Variants in RPH3A observed in about 807,000 individuals in gnomAD.
The protein encoded by RPH3A is rabphilin 3A, also known as rabphilin-3A.
Under a neutral mutation model 102.2 loss-of-function variants are expected in RPH3A, and 48 were observed. The observed-to-expected ratio is 0.47, with a 90% CI of 0.37 to 0.60. The LOEUF (loss-of-function observed/expected upper bound fraction) is 0.60. Among genes scored for constraint, RPH3A ranks in the 20% least tolerant of loss-of-function variants. RPH3A has a pLI of 0.00. For missense variants in RPH3A, 781 were observed against 910.1 expected, an observed-to-expected ratio of 0.86 and a Z score of 1.83; for synonymous variants, 310 against 324.3, an observed-to-expected ratio of 0.96 and a Z score of 0.47.
chr12:112,657,045 T>C (rs1354181928), intron 1 of RPH3A, among the ~76,000 whole-genome samples: 3 of 152,170 alleles, frequency 2.0e-5, no homozygotes, highest in African/African-American at 7.2e-5. Context: ...ATAAAGGTTG[T>C]TCTAATTTAC....
intron 1 of RPH3A, among the ~76,000 whole-genome samples, chr12:112,681,509 C>T (rs749573497): frequency 3.9e-5 from 6 of 152,214 alleles, no homozygotes; most frequent in Non-Finnish European, 7.3e-5. Context: ...ATGAGACTGG[C>T]TGTGTTTCTA....
chr12:112,827,525 G>A (rs2041898568), intron 2 of RPH3A, among the ~76,000 whole-genome samples: 1 of 152,224 alleles, frequency 6.6e-6, no homozygotes, highest in Admixed American at 6.5e-5. Flanking sequence ...GGTAGATGGA[G>A]AAAGACCAAG....
intron 4 of RPH3A, among the ~76,000 whole-genome samples, chr12:112,842,139 C>G (rs886622605): frequency 2.0e-5 from 3 of 152,204 alleles, no homozygotes; most frequent in African/African-American, 4.8e-5. Flanking sequence ...TCTTCCCTAT[C>G]AAAACATTCT....
At chr12:112,695,842 A>G (rs948738796) in intron 1 of RPH3A, among the ~76,000 whole-genome samples, 4 of 152,096 alleles carry the variant, frequency 2.6e-5, no homozygotes, top group African/African-American at 9.7e-5. Flanking sequence ...ATCATTTATT[A>G]TTATTTTTAT....
Position 112,618,992 on chromosome 12 carries a change from G to A in RPH3A, c.-140+43673G>A, listed in dbSNP as rs141031991. Reference sequence around the variant, plus strand: ...CGACTGGCGTCTTTCACTTAGCATCGTGTTTTCAAGGTTCATCTGTGTTAA... The same window carrying A: ...CGACTGGCGTCTTTCACTTAGCATCATGTTTTCAAGGTTCATCTGTGTTAA... On this transcript the variant is annotated intron_variant, in intron 1 of 21. Transcript: ENST00000543106. Among the ~76,000 whole-genome samples the A allele has an allele frequency of 3.2e-4, 48 of 152,178 alleles. 1 individual carries two copies. Among genetic ancestry groups the A allele is most frequent in the African/African-American group, 9.2e-4 (38 of 41,514 alleles).
intron 5 of RPH3A, among the ~76,000 whole-genome samples, chr12:112,853,608 C>A (rs1291506617): frequency 6.6e-6 from 1 of 152,108 alleles, no homozygotes; most frequent in Non-Finnish European, 1.5e-5. Flanking sequence ...GCGGGTGGAT[C>A]ACTTGAGGCA....
intron 1 of RPH3A, among the ~76,000 whole-genome samples, chr12:112,759,976 G>A (rs1010097682): frequency 6.6e-6 from 1 of 152,126 alleles, no homozygotes; most frequent in Non-Finnish European, 1.5e-5. Context: ...ACGTCGGCTG[G>A]ACCAGCCGGC....
chr12:112,888,825 T>G (rs893603814), intron 17 of RPH3A, among the ~76,000 whole-genome samples: 1 of 152,184 alleles, frequency 6.6e-6, no homozygotes, highest in African/African-American at 2.4e-5. Context: ...CCCCTGGAGA[T>G]TCTGTTTTAG....
intron 1 of RPH3A, among the ~76,000 whole-genome samples, chr12:112,578,286 C>T (rs1167078478): frequency 6.6e-6 from 1 of 152,002 alleles, no homozygotes; most frequent in South Asian, 2.1e-4. Context: ...TACCTCACAG[C>T]CAGGGAAGAA....
At chr12:112,868,315 G>A (rs2042645386) in intron 7 of RPH3A, 115 bp from the exon 8 acceptor site, 2 of 1,011,784 alleles carry the variant, frequency 2.0e-6, no homozygotes, top group Admixed American at 4.7e-5. Flanking sequence ...AAAGTGTGCT[G>A]GCTATTGTGT....
intron 13 of RPH3A, among the ~76,000 whole-genome samples, chr12:112,877,861 C>T (rs926994311): frequency 6.6e-6 from 1 of 152,244 alleles, no homozygotes; most frequent in African/African-American, 2.4e-5. Flanking sequence ...GTTGGGCACT[C>T]ATTTTGTGCT....
intron 10 of RPH3A, among the ~76,000 whole-genome samples, chr12:112,873,685 C>T (rs1266264018): frequency 6.6e-6 from 1 of 152,208 alleles, no homozygotes; most frequent in Non-Finnish European, 1.5e-5. Context: ...TGACCTTGGG[C>T]ATATTTAACC....
Position 112,869,965 on chromosome 12 carries a change from T to C in RPH3A, c.722T>C (p.Met241Thr), listed in dbSNP as rs144656378. The change falls in exon 10 of 22, where the codon ATG becomes ACG. Residue 241 changes from methionine to threonine, a missense_variant. Physicochemically the swap from Met to Thr is moderately conservative, Grantham distance 81 (BLOSUM62 -1). Around this residue, in one of 2 missense-constraint regions of RPH3A, gnomAD observed 730 missense variants for 810.0 expected, o/e 0.90. Transcript: ENST00000389385. Reference protein sequence around the residue: ...PPVRRASEARMSSSSRDSESW... With the variant: ...PPVRRASEARTSSSSRDSESW... Reference sequence around the variant, plus strand: ...GTGCGCAGGGCCTCCGAGGCACGAATGAGCTCATCTAGCCGAGATTCAGAG... The same window carrying C: ...GTGCGCAGGGCCTCCGAGGCACGAACGAGCTCATCTAGCCGAGATTCAGAG... 7.4e-6 allele frequency: 12 copies of C among 1,613,962 alleles called. No homozygotes were observed. In the African/African-American group the frequency reaches 1.2e-4, roughly 16 times the overall value.
intron 5 of RPH3A, among the ~76,000 whole-genome samples, chr12:112,863,550 C>T (rs2042556838): frequency 6.6e-6 from 1 of 152,214 alleles, no homozygotes; most frequent in Non-Finnish European, 1.5e-5. Flanking sequence ...GAACTCCTGG[C>T]CTCAGGTAAT....
At chr12:112,772,153 C>A (rs80245105) in intron 1 of RPH3A, among the ~76,000 whole-genome samples, 1 of 152,136 alleles carries the variant, frequency 6.6e-6, no homozygotes, top group African/African-American at 2.4e-5. Context: ...CCTTATGCCC[C>A]GGGTTTTATC....
At chr12:112,864,504 G>T (rs1657025527) in intron 5 of RPH3A, among the ~76,000 whole-genome samples, 1 of 151,844 alleles carries the variant, frequency 6.6e-6, no homozygotes, top group Non-Finnish European at 1.5e-5. Flanking sequence ...AAAAGTGTGT[G>T]TGTATGCAAC....
At chr12:112,871,885 C>CAT (rs930584151) in intron 10 of RPH3A, among the ~76,000 whole-genome samples, 5 of 149,680 alleles carry the variant, frequency 3.3e-5, no homozygotes, top group African/African-American at 1.2e-4. Context: ...TGTATATATA[C>CAT]ATATATATAG....
chr12:112,830,890 G>A (rs1478998004), intron 3 of RPH3A, among the ~76,000 whole-genome samples: 3 of 151,610 alleles, frequency 2.0e-5, no homozygotes, highest in African/African-American at 7.3e-5. Flanking sequence ...TGTTTCTTTT[G>A]TTGTTGTTTA....
intron 4 of RPH3A, among the ~76,000 whole-genome samples, chr12:112,841,189 A>AAAAAAAAAAAAAAAAAAAAAAAAAAAC (rs1346211000): frequency 6.7e-6 from 1 of 149,824 alleles, no homozygotes; most frequent in African/African-American, 2.5e-5. Context: ...AAAAAAAAAA[A>AAAAAAAAAAAAAAAAAAAAAAAAAAAC]AAAAAGCCTC....
Sources: allele counts gnomAD v4.1 joint callset (sites outside exome capture counted in the v4.1 genomes callset), GRCh38; gene constraint gnomAD v4.1.1; regional missense constraint gnomAD v4.1.1; transcripts MANE v1.5; gene names NCBI Gene and HGNC (gene_info 2026-07-23, HGNC 2026-07-21).